RIMKLB: variants seen among roughly 807,000 people sequenced by gnomAD.
RIMKLB encodes the protein beta-citrylglutamate synthase B.
RIMKLB carries 7 observed loss-of-function variants against 32.0 expected under a neutral mutation model. That is an observed-to-expected ratio of 0.22 (90% CI 0.12 to 0.41). The LOEUF (loss-of-function observed/expected upper bound fraction) is 0.41, where lower values mean the gene tolerates loss of function less well. Ranked by LOEUF, RIMKLB falls within the 10% of genes least tolerant of loss-of-function variation. The pLI is 1.00. For synonymous variants in RIMKLB, 172 were observed against 185.1 expected, an observed-to-expected ratio of 0.93 and a Z score of 0.57; for missense variants, 289 against 498.7, an observed-to-expected ratio of 0.58 and a Z score of 4.00.
At chr12:8,675,795 C>CTT in the RIMKLB span, among the ~76,000 whole-genome samples, 1 of 133,006 alleles carries the variant, frequency 7.5e-6, no homozygotes, top group African/African-American at 2.8e-5. Flanking sequence ...TCTTGTTTTT[C>CTT]TTTTTTTTTT....
At chr12:8,716,233 G>A (rs764537959) in intron 2 of RIMKLB, among the ~76,000 whole-genome samples, 1 of 152,184 alleles carries the variant, frequency 6.6e-6, no homozygotes, top group South Asian at 2.1e-4. Context: ...AGGATCTAGG[G>A]TTGAAAACCA....
At chr12:8,714,120 CAG>C in intron 2 of RIMKLB, 79 bp downstream of exon 2, 3 of 1,197,132 alleles carry the variant, frequency 2.5e-6, no homozygotes, top group African/African-American at 1.5e-5. Flanking sequence ...ATAATTAGGA[CAG>C]AGGAATTCTT....
chr12:8,739,956 G>T (rs1947348439), intron 2 of RIMKLB, among the ~76,000 whole-genome samples: 1 of 152,098 alleles, frequency 6.6e-6, no homozygotes, highest in Non-Finnish European at 1.5e-5. Flanking sequence ...CACCCAGGCT[G>T]GGGGTGTGGT....
intron 1 of RIMKLB, among the ~76,000 whole-genome samples, chr12:8,688,807 T>G (rs1422689731): frequency 6.6e-6 from 1 of 152,128 alleles, no homozygotes; most frequent in Non-Finnish European, 1.5e-5. Context: ...ATTAAAATAA[T>G]GTGTGAAGTG....
chr12:8,715,513 C>T (rs1443228633), intron 2 of RIMKLB, among the ~76,000 whole-genome samples: 1 of 152,130 alleles, frequency 6.6e-6, no homozygotes, highest in East Asian at 1.9e-4. Flanking sequence ...CATGAGGCAC[C>T]ATGCCCACCT....
At chr12:8,756,684 CTTTTTTTTTTTTTTT>C (rs145312687) in intron 5 of RIMKLB, among the ~76,000 whole-genome samples, 1 of 90,966 alleles carries the variant, frequency 1.1e-5, no homozygotes, top group African/African-American at 4.4e-5. Context: ...TTACTTTCTA[CTTTTTTTTTTTTTTT>C]TTTTTTTTTT....
intron 1 of RIMKLB, among the ~76,000 whole-genome samples, chr12:8,689,817 T>A (rs1045117517): frequency 1.3e-5 from 2 of 152,120 alleles, no homozygotes; most frequent in Non-Finnish European, 2.9e-5. Context: ...AAATGGGGCT[T>A]CAGCTGTTTC....
downstream of RIMKLB, among the ~76,000 whole-genome samples, chr12:8,782,088 A>G (rs1232140916): frequency 6.6e-6 from 1 of 151,434 alleles, no homozygotes; most frequent in Non-Finnish European, 1.5e-5. Flanking sequence ...CAGAACAGTA[A>G]TTTTGATTAC....
intron 2 of RIMKLB, among the ~76,000 whole-genome samples, chr12:8,715,710 T>C (rs1241110547): frequency 6.6e-6 from 1 of 152,218 alleles, no homozygotes; most frequent in African/African-American, 2.4e-5. Context: ...TACTATGTGC[T>C]GGATAGTGGT....
intron 1 of RIMKLB, among the ~76,000 whole-genome samples, chr12:8,703,699 T>C (rs1213056123): frequency 6.6e-6 from 1 of 152,120 alleles, no homozygotes; most frequent in East Asian, 1.9e-4. Flanking sequence ...GGATTACAGG[T>C]GTGAATCACT....
At chr12:8,689,111 C>T (rs1441064846) in intron 1 of RIMKLB, among the ~76,000 whole-genome samples, 1 of 152,252 alleles carries the variant, frequency 6.6e-6, no homozygotes, top group Non-Finnish European at 1.5e-5. Context: ...GCTGGGATTA[C>T]AGGCGTGAGC....
upstream of RIMKLB, among the ~76,000 whole-genome samples, chr12:8,696,563 G>T (rs576343611): frequency 5.8e-4 from 89 of 152,248 alleles, 1 homozygote; most frequent in African/African-American, 2.1e-3. Context: ...CATGAAGTAG[G>T]TGACTATTTT....
At chr12:8,764,553 GAGAGTA>G (rs1258790080) in intron 5 of RIMKLB, among the ~76,000 whole-genome samples, 1 of 152,184 alleles carries the variant, frequency 6.6e-6, no homozygotes, top group Non-Finnish European at 1.5e-5. Context: ...TCCGGGACAG[GAGAGTA>G]AGACTGAGAA....
chr12:8,706,214 A>G (rs1591654216), intron 1 of RIMKLB, among the ~76,000 whole-genome samples: 2 of 152,020 alleles, frequency 1.3e-5, no homozygotes, highest in Admixed American at 1.3e-4. Context: ...ATCTCAGCTC[A>G]CTGCAACCTC....
At chr12:8,769,641 C>T (rs2138203515) in intron 5 of RIMKLB, among the ~76,000 whole-genome samples, 1 of 152,232 alleles carries the variant, frequency 6.6e-6, no homozygotes, top group South Asian at 2.1e-4. Flanking sequence ...TGCCACCAAA[C>T]CCAGTTAATT....
chr12:8,687,088 C>T lies in RIMKLB; in HGVS notation n.219+5270C>T, dbSNP rs150961829. 2.6e-5 allele frequency among the ~76,000 whole-genome samples: 4 copies of T among 152,296 alleles called. No homozygotes were observed. In the East Asian group the frequency reaches 7.7e-4, roughly 29 times the overall value. On this transcript the variant is annotated intron_variant and non_coding_transcript_variant, in intron 1 of 1. Transcript: ENST00000538758. Reference sequence around the variant, plus strand: ...TTTCTTACTTCATACCAGTATTTCTCAAATTTGAGTATGTACCTGAATCCC... The same window carrying T: ...TTTCTTACTTCATACCAGTATTTCTTAAATTTGAGTATGTACCTGAATCCC...
At chr12:8,691,436 C>T (rs1174458702) in intron 1 of RIMKLB, among the ~76,000 whole-genome samples, 1 of 151,898 alleles carries the variant, frequency 6.6e-6, no homozygotes, top group African/African-American at 2.4e-5. Context: ...TGGTGAGACC[C>T]CCATCTCTAC....
chr12:8,703,789 A>G (rs1424475539), intron 1 of RIMKLB, among the ~76,000 whole-genome samples: 3 of 152,226 alleles, frequency 2.0e-5, no homozygotes, highest in Non-Finnish European at 4.4e-5. Context: ...TCACTGCCAA[A>G]TGAAGACCAT....
At chr12:8,669,564 G>A in the RIMKLB span, among the ~76,000 whole-genome samples, 1 of 152,008 alleles carries the variant, frequency 6.6e-6, no homozygotes, top group African/African-American at 2.4e-5. Context: ...CATGTGTTAG[G>A]CTATGGTAGC....
Sources: gnomAD v4.1 joint callset for allele counts (sites outside exome capture counted in the v4.1 genomes callset) on GRCh38, gnomAD v4.1.1 for gene constraint, MANE v1.5 for transcripts, NCBI Gene and HGNC (gene_info 2026-07-23, HGNC 2026-07-21) for gene names.